CX3CR1: variants seen among roughly 807,000 people sequenced by gnomAD.
CX3CR1 encodes C-X3-C motif chemokine receptor 1, also known as CX3C chemokine receptor 1.
For synonymous variants in CX3CR1, 168 were observed against 178.5 expected (o/e 0.94, Z 0.47); for missense variants, 363 against 432.4 (o/e 0.84, Z 1.42).
intron 1 of CX3CR1, among the ~76,000 whole-genome samples, chr3:39,269,160 A>AC (rs2040742716): frequency 6.6e-6 from 1 of 151,792 alleles, no homozygotes; most frequent in South Asian, 2.1e-4. Flanking sequence ...TTCTGAAAAA[A>AC]AAAAGTTCTA....
At chr3:39,268,038 G>A (rs1281562676) in intron 1 of CX3CR1, among the ~76,000 whole-genome samples, 2 of 152,304 alleles carry the variant, frequency 1.3e-5, no homozygotes, top group South Asian at 2.1e-4. Flanking sequence ...CAAAGCTCAC[G>A]CTTTAACCGA....
the CX3CR1 span, chr3:39,287,570 G>A: frequency 6.6e-6 from 1 of 152,160 alleles, no homozygotes; most frequent in African/African-American, 2.4e-5. Flanking sequence ...TTGTTTTAGT[G>A]CCTTCAGCAC....
intron 1 of CX3CR1, chr3:39,266,787 C>G: frequency 1.6e-6 from 1 of 623,706 alleles, no homozygotes; most frequent in South Asian, 1.5e-5. Flanking sequence ...TGGCTCTAGG[C>G]ATTTTTTTTT....
In CX3CR1 at chr3:39,270,130, G is replaced by C. The variant is rs560678493; in HGVS notation, c.-9-3612C>G. On this transcript the variant is annotated intron_variant, in intron 1 of 1. Transcript: ENST00000399220. ...AGGAGACTCGGGCCCTGGGCTTAGG[G>C]GCCAAATCCTGGCAGGGGAGAAGAG... 1.8e-4 allele frequency among the ~76,000 whole-genome samples: 27 copies of C among 152,312 alleles called. No individual in the cohort carries two copies. The South Asian group carries it at 3.9e-3, about 22-fold the overall frequency.
rs2125553149 is a variant in CX3CR1, at chr3:39,272,428, C to T, written c.-9-5910G>A. Among the ~76,000 whole-genome samples, 4 of 152,284 alleles carry T rather than the reference C, an allele frequency of 2.6e-5. No homozygotes were observed. The Middle Eastern group carries it at 0.014, about 518-fold the overall frequency. ...CTCTGGCCTACTTCCTTTTCTCATG[C>T]CTGCTCATTTATTTTTTAACTTTTT... On this transcript the variant is annotated intron_variant, in intron 1 of 1. Coordinates refer to ENST00000399220, the MANE Select transcript of CX3CR1 (RefSeq NM_001337.4).
the CX3CR1 span, chr3:39,287,520 C>G: frequency 2.0e-5 from 3 of 152,130 alleles, no homozygotes; most frequent in Admixed American, 2.0e-4. Context: ...CATGCTCACT[C>G]CAAAGTTTCT....
chr3:39,266,787 C>CA, intron 1 of CX3CR1: 1 of 623,720 alleles, frequency 1.6e-6, no homozygotes, highest in South Asian at 1.5e-5. Context: ...TGGCTCTAGG[C>CA]ATTTTTTTTT....
At position 39,268,884 on chromosome 3, in the gene CX3CR1, G is replaced by T. The variant is rs186183655; in HGVS notation, c.-9-2366C>A. ...CAAGCACTTAATACATGTTCAATTTGTTTCCTGCATTATGTGAGGAAGCAA... is the reference window on the plus strand; with the variant it reads ...CAAGCACTTAATACATGTTCAATTTTTTTCCTGCATTATGTGAGGAAGCAA... On this transcript the variant is annotated intron_variant, in intron 1 of 1. Transcript: ENST00000399220. Among the ~76,000 whole-genome samples, 7 of 152,306 alleles carry T rather than the reference G, an allele frequency of 4.6e-5. 1 individual carries two copies. The East Asian group carries it at 1.2e-3, about 25-fold the overall frequency.
chr3:39,267,900 G>A (rs555109016), intron 1 of CX3CR1, among the ~76,000 whole-genome samples: 6 of 152,316 alleles, frequency 3.9e-5, no homozygotes, highest in Admixed American at 3.3e-4. Flanking sequence ...CTCCAGAGCC[G>A]GCTGGGAGGC....
chr3:39,287,108 C>A, the CX3CR1 span: 1 of 152,172 alleles, frequency 6.6e-6, no homozygotes, highest in Non-Finnish European at 1.5e-5. Context: ...CATCTCTATT[C>A]TTTTATAACA....
chr3:39,283,795 T>TATATATA (rs1491542391), upstream of CX3CR1, among the ~76,000 whole-genome samples: 114 of 65,282 alleles, frequency 1.7e-3, 2 homozygotes, highest in East Asian at 2.8e-3. Flanking sequence ...AAAAAAAAAA[T>TATATATA]TATATATATA....
chr3:39,291,350 C>T, the CX3CR1 span, among the ~76,000 whole-genome samples: 8 of 152,212 alleles, frequency 5.3e-5, no homozygotes, highest in African/African-American at 1.7e-4. Context: ...AGCCACTGCG[C>T]CCAGCCCATA....
At chr3:39,271,713 C>A (rs1359323668) in intron 1 of CX3CR1, among the ~76,000 whole-genome samples, 1 of 152,212 alleles carries the variant, frequency 6.6e-6, no homozygotes, top group Non-Finnish European at 1.5e-5. Context: ...CCCTTGGTAG[C>A]CAAATGCCCC....
At chr3:39,274,525 G>C (rs2040818147) in intron 1 of CX3CR1, among the ~76,000 whole-genome samples, 1 of 146,876 alleles carries the variant, frequency 6.8e-6, no homozygotes, top group Admixed American at 6.8e-5. Context: ...GAATCCTATT[G>C]GGTTTAGTGA....
chr3:39,284,182 T>G (rs575076789), upstream of CX3CR1, among the ~76,000 whole-genome samples: 7 of 152,114 alleles, frequency 4.6e-5, no homozygotes, highest in East Asian at 1.9e-4. Flanking sequence ...TCTAAGTTTT[T>G]TTTTTTTGTT....
At chr3:39,266,789 T>C (rs1376648525) in intron 1 of CX3CR1, 1 of 282,528 alleles carries the variant, frequency 3.5e-6, no homozygotes, top group South Asian at 3.0e-5. Flanking sequence ...GCTCTAGGCA[T>C]TTTTTTTTTT....
At chr3:39,291,834 A>C in the CX3CR1 span, among the ~76,000 whole-genome samples, 1 of 152,230 alleles carries the variant, frequency 6.6e-6, no homozygotes, top group Non-Finnish European at 1.5e-5. Context: ...ATTTACCTAC[A>C]TGCAGTGTTT....
At chr3:39,273,553 A>T (rs1453331493) in intron 1 of CX3CR1, among the ~76,000 whole-genome samples, 3 of 152,184 alleles carry the variant, frequency 2.0e-5, no homozygotes, top group Non-Finnish European at 4.4e-5. Context: ...CAGTTTCTTG[A>T]TGTATGAAAT....
rs566731450 is a variant in CX3CR1, at chr3:39,264,602, T to C, written c.*840A>G. The C allele has an allele frequency of 6.6e-6, 1 of 152,298 alleles. No homozygotes were observed. Among genetic ancestry groups the C allele is most frequent in the South Asian group, 2.1e-4 (1 of 4,822 alleles). 9.4% of individuals were successfully genotyped at this position (152,298 alleles called of 1,614,324 possible). A position where few individuals can be genotyped will look rare whatever the true frequency, so the allele number is the denominator to read the frequency against. ...GGAATCTATTGGTAGGACCCCATGG[T>C]GGACGTATGAGAAGCCAAGCATTTG... On this transcript the variant is annotated 3_prime_UTR_variant, in exon 2 of 2. Transcript: ENST00000399220.
Sources: gnomAD v4.1 joint callset for allele counts (sites outside exome capture counted in the v4.1 genomes callset) on GRCh38, gnomAD v4.1.1 for gene constraint, MANE v1.5 for transcripts, NCBI Gene and HGNC (gene_info 2026-07-23, HGNC 2026-07-21) for gene names.